XRCC4: variants seen among roughly 807,000 people sequenced by gnomAD.
The protein encoded by XRCC4 is DNA repair protein XRCC4.
A neutral mutation model predicts 39.1 loss-of-function variants in XRCC4; 28 were observed. The observed-to-expected ratio is 0.72, with a 90% CI of 0.53 to 0.98. The LOEUF (loss-of-function observed/expected upper bound fraction) is 0.98, where lower values mean the gene tolerates loss of function less well. Among genes scored for constraint, XRCC4 ranks in the 50% least tolerant of loss-of-function variants. XRCC4 has a pLI of 0.00. For synonymous variants in XRCC4, 123 were observed against 126.4 expected (o/e 0.97, Z 0.18); for missense variants, 350 against 376.4 (o/e 0.93, Z 0.58).
At chr5:83,087,746 A>T in intron 1 of XRCC4, among the ~76,000 whole-genome samples, 1 of 152,176 alleles carries the variant, frequency 6.6e-6, no homozygotes, top group East Asian at 1.9e-4. Context: ...ACACAAAAAA[A>T]TTAATACAAT....
chr5:83,176,174 T>C (rs1448368378), intron 3 of XRCC4, among the ~76,000 whole-genome samples: 2 of 152,200 alleles, frequency 1.3e-5, no homozygotes, highest in Admixed American at 1.3e-4. Flanking sequence ...CCAATGTTTG[T>C]TATGGTTGTT....
At chr5:83,085,063 C>G (rs774720457) in intron 1 of XRCC4, among the ~76,000 whole-genome samples, 4 of 152,166 alleles carry the variant, frequency 2.6e-5, no homozygotes, top group Non-Finnish European at 5.9e-5. Context: ...CTTTGCTAAT[C>G]CTACAGAAGT....
intron 3 of XRCC4, among the ~76,000 whole-genome samples, chr5:83,192,003 T>C (rs1254367596): frequency 6.6e-6 from 1 of 151,916 alleles, no homozygotes; most frequent in African/African-American, 2.4e-5. Context: ...CAAAAAGATA[T>C]CCGGAATAGA....
At chr5:83,132,042 G>A (rs561641053) in intron 3 of XRCC4, among the ~76,000 whole-genome samples, 25 of 152,096 alleles carry the variant, frequency 1.6e-4, no homozygotes, top group Non-Finnish European at 3.2e-4. Context: ...CCACGTTTGG[G>A]GCTTCCTTCA....
At chr5:83,327,276 G>A (rs981575835) in intron 7 of XRCC4, among the ~76,000 whole-genome samples, 1 of 151,994 alleles carries the variant, frequency 6.6e-6, no homozygotes, top group African/African-American at 2.4e-5. Context: ...CCAGAATGCT[G>A]TATAAAATCC....
chr5:83,263,456 C>T (rs201056315), intron 7 of XRCC4, among the ~76,000 whole-genome samples: 8,366 of 150,186 alleles, frequency 0.056, 824 homozygotes, highest in East Asian at 0.47. Context: ...TTTACAGTCC[C>T]ACCAACAGTG....
intron 7 of XRCC4, among the ~76,000 whole-genome samples, chr5:83,295,863 T>G (rs1215038728): frequency 6.6e-6 from 1 of 151,984 alleles, no homozygotes; most frequent in Non-Finnish European, 1.5e-5. Flanking sequence ...TTTGCAGGGT[T>G]TTAAAGAGGG....
At chr5:83,337,524 T>G (rs1418769777) in intron 7 of XRCC4, among the ~76,000 whole-genome samples, 1 of 152,124 alleles carries the variant, frequency 6.6e-6, no homozygotes, top group Admixed American at 6.6e-5. Flanking sequence ...CGCTCTCCAG[T>G]GGGCAGCCCT....
At chr5:83,280,287 T>C (rs1160180567) in intron 7 of XRCC4, 5 of 389,430 alleles carry the variant, frequency 1.3e-5, no homozygotes, top group African/African-American at 1.1e-4. Context: ...TCTTTGATAC[T>C]ACATTTGATG....
At chr5:83,321,086 G>C (rs1430629928) in intron 7 of XRCC4, among the ~76,000 whole-genome samples, 1 of 152,068 alleles carries the variant, frequency 6.6e-6, no homozygotes, top group Non-Finnish European at 1.5e-5. Context: ...TGGGATTACA[G>C]GCATTAGCAA....
intron 3 of XRCC4, among the ~76,000 whole-genome samples, chr5:83,159,646 G>A (rs1749114955): frequency 6.6e-6 from 1 of 152,100 alleles, no homozygotes; most frequent in Non-Finnish European, 1.5e-5. Context: ...TTCTGTAGTC[G>A]TGAAAATTTG....
At chr5:83,225,605 G>GA (rs869143323) in intron 6 of XRCC4, among the ~76,000 whole-genome samples, 1,016 of 60,338 alleles carry the variant, frequency 0.017, 13 homozygotes, top group African/African-American at 0.029. Flanking sequence ...ATTTATTCCA[G>GA]AAAAAAAAAA....
At chr5:83,253,960 G>A (rs1033795009) in intron 6 of XRCC4, among the ~76,000 whole-genome samples, 2 of 152,068 alleles carry the variant, frequency 1.3e-5, no homozygotes, top group Non-Finnish European at 2.9e-5. Context: ...CACAATAACA[G>A]GGCTTGTGAA....
chr5:83,167,894 AC>A (rs1749556058), intron 3 of XRCC4, among the ~76,000 whole-genome samples: 1 of 152,236 alleles, frequency 6.6e-6, no homozygotes, highest in African/African-American at 2.4e-5. Context: ...CAGCCACAAG[AC>A]AAAGGAGATT....
chr5:83,306,726 C>A (rs904138644), intron 7 of XRCC4, among the ~76,000 whole-genome samples: 5 of 152,152 alleles, frequency 3.3e-5, no homozygotes, highest in Admixed American at 1.3e-4. Context: ...CTCCCTGACT[C>A]CAGCAATAAG....
At chr5:83,261,953 T>G (rs1753767098) in intron 7 of XRCC4, among the ~76,000 whole-genome samples, 1 of 152,124 alleles carries the variant, frequency 6.6e-6, no homozygotes. Flanking sequence ...AGGGTTATTT[T>G]GCATTCTGAG....
chr5:83,134,791 A>G (rs947300554), intron 3 of XRCC4, among the ~76,000 whole-genome samples: 2 of 152,138 alleles, frequency 1.3e-5, no homozygotes, highest in South Asian at 2.1e-4. Context: ...GAGCTGTAAC[A>G]CTCACTGCGA....
intron 7 of XRCC4, among the ~76,000 whole-genome samples, chr5:83,269,216 T>G (rs1754055022): frequency 6.6e-6 from 1 of 152,094 alleles, no homozygotes; most frequent in African/African-American, 2.4e-5. Flanking sequence ...ATATTATCCT[T>G]AGACAATGGT....
chr5:83,129,714 G>C (rs1231217855), intron 3 of XRCC4, among the ~76,000 whole-genome samples: 1 of 151,954 alleles, frequency 6.6e-6, no homozygotes, highest in Non-Finnish European at 1.5e-5. Flanking sequence ...TGTATTCCTA[G>C]GTATTTTATT....
Sources: gnomAD v4.1 joint callset for allele counts (sites outside exome capture counted in the v4.1 genomes callset) on GRCh38, gnomAD v4.1.1 for gene constraint, MANE v1.5 for transcripts, NCBI Gene and HGNC (gene_info 2026-07-23, HGNC 2026-07-21) for gene names.